The following SUGCT variants were observed in gnomAD, a reference collection of about 807,000 sequenced individuals.
The protein encoded by SUGCT is succinyl-CoA:glutarate-CoA transferase.
SUGCT carries 41 observed loss-of-function variants against 55.0 expected under a neutral mutation model. The ratio of observed to expected loss-of-function variants is 0.74; its 90% CI spans 0.58 to 0.97. The LOEUF is 0.97. Ranked by LOEUF, SUGCT falls within the 50% of genes least tolerant of loss-of-function variation. The probability of loss-of-function intolerance (pLI) is 0.00; values close to 1 mark genes in which losing one functional copy is unlikely to be tolerated. For missense variants in SUGCT, 568 were observed against 547.8 expected, an observed-to-expected ratio of 1.04 and a Z score of -0.37; for synonymous variants, 187 against 200.4, an observed-to-expected ratio of 0.93 and a Z score of 0.56.
In SUGCT at chr7:40,181,317, G is replaced by A. The variant is rs1420278544; in HGVS notation, c.152+319G>A. Among the ~76,000 whole-genome samples the A allele has an allele frequency of 2.6e-5, 4 of 152,070 alleles. No homozygotes were observed. In the South Asian group the frequency reaches 8.3e-4, roughly 32 times the overall value. ...GTTATTCAAAATTCAACAAAAAAGT[G>A]AAATAGTAATTAATATATCGATGTC... On this transcript the variant is annotated intron_variant, in intron 2 of 13. Coordinates refer to ENST00000335693, the MANE Select transcript of SUGCT (RefSeq NM_001193313.2).
At chr7:40,756,125 C>A (rs1160426425) in intron 13 of SUGCT, among the ~76,000 whole-genome samples, 3 of 152,092 alleles carry the variant, frequency 2.0e-5, no homozygotes, top group Non-Finnish European at 2.9e-5. Flanking sequence ...GAATGTTTTG[C>A]AAGATGTTTT....
rs117493368 is a variant in SUGCT, at chr7:40,447,544, G to A, written c.817-1743G>A. Among the ~76,000 whole-genome samples, 1,113 of 152,142 alleles carry A rather than the reference G, an allele frequency of 7.3e-3. 8 individuals carry two copies. Among genetic ancestry groups the A allele is most frequent in the South Asian group, 0.021 (103 of 4,800 alleles). Reference sequence around the variant, plus strand: ...AATGTGGTCTTGGTGGGGAAGTGAGGGCAGGTGGCGCTCTTATGTCATTAT... The same window carrying A: ...AATGTGGTCTTGGTGGGGAAGTGAGAGCAGGTGGCGCTCTTATGTCATTAT... On this transcript the variant is annotated intron_variant, in intron 9 of 13. Transcript: ENST00000335693.
chr7:40,557,818 G>C (rs978767485), intron 12 of SUGCT, among the ~76,000 whole-genome samples: 3 of 150,418 alleles, frequency 2.0e-5, no homozygotes, highest in African/African-American at 7.3e-5. Flanking sequence ...TCTTGCAAAA[G>C]GACAACCCAC....
chr7:40,566,407 C>T (rs934461427), intron 12 of SUGCT, among the ~76,000 whole-genome samples: 4 of 152,160 alleles, frequency 2.6e-5, no homozygotes, highest in Non-Finnish European at 5.9e-5. Context: ...TTGTCATTTA[C>T]TTTGAGGGGT....
intron 9 of SUGCT, among the ~76,000 whole-genome samples, chr7:40,397,120 G>C (rs1277649983): frequency 6.6e-6 from 1 of 152,176 alleles, no homozygotes; most frequent in Non-Finnish European, 1.5e-5. Flanking sequence ...AATGCATGCA[G>C]AGTGGTCCTT....
intron 11 of SUGCT, among the ~76,000 whole-genome samples, chr7:40,488,060 T>TGA: frequency 6.6e-6 from 1 of 151,932 alleles, no homozygotes; most frequent in African/African-American, 2.4e-5. Context: ...AAATTCGATG[T>TGA]ACTTACAGAT....
Position 40,628,177 on chromosome 7 carries a change from T to G in SUGCT, c.1090-121257T>G, listed in dbSNP as rs192109282. 7.2e-5 allele frequency among the ~76,000 whole-genome samples: 11 copies of G among 152,356 alleles called. No individual in the cohort carries two copies. In the South Asian group the frequency reaches 1.2e-3, roughly 17 times the overall value. On this transcript the variant is annotated intron_variant, in intron 12 of 13. Coordinates refer to ENST00000335693, the MANE Select transcript of SUGCT (RefSeq NM_001193313.2). Reference sequence around the variant, plus strand: ...CCACATATCTGTTATTACAGTGTATTGTTATAATTGTTCTATTTTAATAAC... The same window carrying G: ...CCACATATCTGTTATTACAGTGTATGGTTATAATTGTTCTATTTTAATAAC...
intron 6 of SUGCT, among the ~76,000 whole-genome samples, chr7:40,223,763 A>G (rs779961746): frequency 2.6e-5 from 4 of 152,046 alleles, no homozygotes; most frequent in African/African-American, 9.7e-5. Context: ...CTGTTCTTTC[A>G]TTTATCTCTA....
intron 13 of SUGCT, among the ~76,000 whole-genome samples, chr7:40,780,222 AAATGTGG>A (rs1789665589): frequency 6.6e-6 from 1 of 152,150 alleles, no homozygotes; most frequent in African/African-American, 2.4e-5. Flanking sequence ...GTCCTAAAAG[AAATGTGG>A]AGCTCTTTAA....
At chr7:40,185,426 T>C (rs1051840522) in intron 3 of SUGCT, among the ~76,000 whole-genome samples, 1 of 152,240 alleles carries the variant, frequency 6.6e-6, no homozygotes, top group Non-Finnish European at 1.5e-5. Context: ...GTTTCCACCA[T>C]GGAAACTAAA....
chr7:40,203,805 A>G (rs760345426), intron 6 of SUGCT, among the ~76,000 whole-genome samples: 4 of 151,990 alleles, frequency 2.6e-5, no homozygotes, highest in Non-Finnish European at 4.4e-5. Flanking sequence ...AAAAAAGAAT[A>G]TCTATTTAAT....
intron 12 of SUGCT, among the ~76,000 whole-genome samples, chr7:40,651,620 A>T (rs978223015): frequency 4.0e-5 from 6 of 151,892 alleles, no homozygotes; most frequent in Non-Finnish European, 8.8e-5. Flanking sequence ...CTTACACATG[A>T]CTTTCTTCAT....
intron 12 of SUGCT, among the ~76,000 whole-genome samples, chr7:40,654,087 T>A (rs1358511698): frequency 1.3e-5 from 2 of 152,168 alleles, no homozygotes; most frequent in African/African-American, 4.8e-5. Context: ...TACTTTCCCA[T>A]AAGGTATCAA....
At chr7:40,270,837 A>G (rs1791953131) in intron 7 of SUGCT, among the ~76,000 whole-genome samples, 1 of 151,930 alleles carries the variant, frequency 6.6e-6, no homozygotes, top group South Asian at 2.1e-4. Context: ...TGACTGTGAG[A>G]TGTCTTTTGG....
At chr7:41,035,674 A>G in the SUGCT span, among the ~76,000 whole-genome samples, 4 of 152,358 alleles carry the variant, frequency 2.6e-5, no homozygotes, top group Non-Finnish European at 4.4e-5. Context: ...TAAAGTTTGA[A>G]GCTAAACTAT....
chr7:40,180,259 C>T (rs1785121671), intron 1 of SUGCT, among the ~76,000 whole-genome samples: 1 of 151,606 alleles, frequency 6.6e-6, no homozygotes, highest in Non-Finnish European at 1.5e-5. Flanking sequence ...GCTAGAATTA[C>T]ATGCACATCC....
chr7:40,901,814 A>G, the SUGCT span, among the ~76,000 whole-genome samples: 1 of 152,260 alleles, frequency 6.6e-6, no homozygotes, highest in Non-Finnish European at 1.5e-5. Flanking sequence ...AATGCTAAAC[A>G]TGAAAAGAGG....
intron 12 of SUGCT, among the ~76,000 whole-genome samples, chr7:40,706,253 T>C (rs1286499620): frequency 6.6e-6 from 1 of 152,158 alleles, no homozygotes; most frequent in Non-Finnish European, 1.5e-5. Context: ...ATGCCTGTAA[T>C]CCCAATACTT....
At chr7:40,299,547 C>G (rs1045676291) in intron 8 of SUGCT, among the ~76,000 whole-genome samples, 1 of 152,108 alleles carries the variant, frequency 6.6e-6, no homozygotes, top group Non-Finnish European at 1.5e-5. Flanking sequence ...TACAAGCTAG[C>G]TGCAGCACAC....
Sources: gnomAD v4.1 joint callset for allele counts (sites outside exome capture counted in the v4.1 genomes callset) on GRCh38, gnomAD v4.1.1 for gene constraint, MANE v1.5 for transcripts, NCBI Gene and HGNC (gene_info 2026-07-23, HGNC 2026-07-21) for gene names.